RALYL: variants seen among roughly 807,000 people sequenced by gnomAD.
The protein encoded by RALYL is RNA-binding Raly-like protein.
Under a neutral mutation model 35.1 loss-of-function variants are expected in RALYL, and 29 were observed. The ratio of observed to expected loss-of-function variants is 0.83; its 90% CI spans 0.61 to 1.13. RALYL has a LOEUF of 1.13. Among genes scored for constraint, RALYL ranks in the 50% most tolerant of loss-of-function variants. The pLI, the probability that RALYL is intolerant of heterozygous loss-of-function variation, is 0.00. For synonymous variants in RALYL, 120 were observed against 127.6 expected, an observed-to-expected ratio of 0.94 and a Z score of 0.40; for missense variants, 359 against 360.4, an observed-to-expected ratio of 1.00 and a Z score of 0.03.
intron 4 of RALYL, among the ~76,000 whole-genome samples, chr8:84,836,440 G>T (rs564617837): frequency 6.6e-6 from 1 of 152,072 alleles, no homozygotes; most frequent in East Asian, 1.9e-4. Flanking sequence ...GGTCCCATTA[G>T]GTTTCTCCTC....
chr8:84,529,941 C>CATTTGATCTG (rs2059166261), intron 2 of RALYL, among the ~76,000 whole-genome samples: 1 of 152,088 alleles, frequency 6.6e-6, no homozygotes, highest in African/African-American at 2.4e-5. Flanking sequence ...ATACTTATAG[C>CATTTGATCTG]ATTTGATCTG....
chr8:84,773,880 C>G (rs28619917), intron 2 of RALYL, among the ~76,000 whole-genome samples: 6 of 152,054 alleles, frequency 3.9e-5, no homozygotes, highest in African/African-American at 1.5e-4. Flanking sequence ...AAATTCTTAG[C>G]GAAAAATGAA....
chr8:84,459,195 G>A (rs2050469143), intron 1 of RALYL, among the ~76,000 whole-genome samples: 1 of 151,634 alleles, frequency 6.6e-6, no homozygotes, highest in Admixed American at 6.6e-5. Flanking sequence ...GTATGATAAG[G>A]CAATGATTAA....
chr8:84,543,425 C>T (rs907176421), intron 2 of RALYL, among the ~76,000 whole-genome samples: 4 of 151,696 alleles, frequency 2.6e-5, no homozygotes, highest in Non-Finnish European at 5.9e-5. Context: ...TTTACAAAAT[C>T]TCACAAATCA....
chr8:84,405,876 G>T (rs553827350), intron 1 of RALYL, among the ~76,000 whole-genome samples: 33 of 132,094 alleles, frequency 2.5e-4, no homozygotes, highest in South Asian at 1.9e-3. Context: ...CCCAGGCTCA[G>T]TGGCACGATC....
rs954822657 is a variant in RALYL, at chr8:84,529,276, G to T, written c.-23-23G>T. 24 of 1,542,210 alleles carry T rather than the reference G, an allele frequency of 1.6e-5. No individual in the cohort carries two copies. The Admixed American group carries it at 4.6e-4, about 29-fold the overall frequency. On this transcript the variant is annotated intron_variant, in intron 1 of 8. Transcript: ENST00000521268. ...GATTTACCTTTTGATTATTTGTTTT[G>T]TTTGTTTGTTTGTTTGTTTAAGGAT... is the stretch of plus-strand genomic sequence containing the variant.
intron 2 of RALYL, among the ~76,000 whole-genome samples, chr8:84,619,912 A>T (rs1243530111): frequency 2.0e-5 from 3 of 151,018 alleles, no homozygotes; most frequent in Non-Finnish European, 3.0e-5. Context: ...AAGAATGTTG[A>T]ATATTGGCCC....
At chr8:84,404,155 A>T (rs369304067) in intron 1 of RALYL, among the ~76,000 whole-genome samples, 208 of 152,076 alleles carry the variant, frequency 1.4e-3, no homozygotes, top group African/African-American at 4.5e-3. Flanking sequence ...CTATTTGAAT[A>T]CGTTTATTTC....
At chr8:84,468,644 G>T (rs932837928) in intron 1 of RALYL, among the ~76,000 whole-genome samples, 2 of 148,152 alleles carry the variant, frequency 1.3e-5, no homozygotes, top group African/African-American at 4.9e-5. Flanking sequence ...TTCTCGAGGA[G>T]TATCTTTGTG....
At chr8:84,299,514 A>G (rs1840376105) in intron 1 of RALYL, among the ~76,000 whole-genome samples, 1 of 151,854 alleles carries the variant, frequency 6.6e-6, no homozygotes, top group African/African-American at 2.4e-5. Context: ...CTTCTCTTCA[A>G]TTTTTTGGAA....
intron 2 of RALYL, among the ~76,000 whole-genome samples, chr8:84,761,617 C>G (rs566115739): frequency 6.6e-6 from 1 of 152,134 alleles, no homozygotes; most frequent in Admixed American, 6.6e-5. Context: ...TTCATGACCA[C>G]TTTTTACCTT....
intron 3 of RALYL, among the ~76,000 whole-genome samples, chr8:84,796,289 A>T (rs1821893842): frequency 6.6e-6 from 1 of 152,232 alleles, no homozygotes; most frequent in South Asian, 2.1e-4. Context: ...GGCCCAGGCC[A>T]GCCAGCACAG....
chr8:84,261,818 T>C (rs1297840308), intron 1 of RALYL, among the ~76,000 whole-genome samples: 2 of 152,112 alleles, frequency 1.3e-5, no homozygotes, highest in African/African-American at 2.4e-5. Context: ...GGAATTAGAA[T>C]AGCAATCTTA....
At chr8:84,339,573 A>G (rs952657228) in intron 1 of RALYL, among the ~76,000 whole-genome samples, 1 of 151,914 alleles carries the variant, frequency 6.6e-6, no homozygotes, top group South Asian at 2.1e-4. Flanking sequence ...ATATATTACA[A>G]TGTAATAATA....
chr8:84,186,392 A>T (rs550087290), intron 1 of RALYL, among the ~76,000 whole-genome samples: 1 of 152,234 alleles, frequency 6.6e-6, no homozygotes, highest in East Asian at 1.9e-4. Flanking sequence ...ATGTATGTAC[A>T]TAGAAATGCT....
At chr8:84,882,539 G>C (rs1842341765) in intron 7 of RALYL, among the ~76,000 whole-genome samples, 1 of 151,932 alleles carries the variant, frequency 6.6e-6, no homozygotes, top group Admixed American at 6.6e-5. Flanking sequence ...AAATTCAACT[G>C]TCACTTTAAC....
chr8:84,396,979 C>G (rs554950458), intron 1 of RALYL, among the ~76,000 whole-genome samples: 61 of 152,080 alleles, frequency 4.0e-4, no homozygotes, highest in Non-Finnish European at 6.9e-4. Context: ...AGTTACATGG[C>G]AATAGGGACT....
chr8:84,761,147 T>C (rs1287182753), intron 2 of RALYL, among the ~76,000 whole-genome samples: 2 of 152,006 alleles, frequency 1.3e-5, no homozygotes, highest in African/African-American at 2.4e-5. Context: ...CCTCAGCACC[T>C]GTGAGAGGAA....
At chr8:84,523,240 T>G (rs537469421) in intron 1 of RALYL, among the ~76,000 whole-genome samples, 16 of 151,682 alleles carry the variant, frequency 1.1e-4, no homozygotes, top group Non-Finnish European at 2.2e-4. Flanking sequence ...AGGCATGACA[T>G]ATGGCAGCAG....
Sources: gnomAD v4.1 joint callset for allele counts (sites outside exome capture counted in the v4.1 genomes callset) on GRCh38, gnomAD v4.1.1 for gene constraint, MANE v1.5 for transcripts, NCBI Gene and HGNC (gene_info 2026-07-23, HGNC 2026-07-21) for gene names.